Variants in NT5DC1 observed in about 807,000 individuals in gnomAD.
The protein encoded by NT5DC1 is 5'-nucleotidase domain-containing protein 1.
In NT5DC1, 42 loss-of-function variants were observed where a neutral mutation model predicts 59.4. The ratio of observed to expected loss-of-function variants is 0.71; its 90% CI spans 0.55 to 0.92. NT5DC1 has a LOEUF of 0.92. NT5DC1 is among the 40% of genes least tolerant of loss of function. The pLI, the probability that NT5DC1 is intolerant of heterozygous loss-of-function variation, is 0.00. For synonymous variants in NT5DC1, 172 were observed against 188.1 expected (o/e 0.91, Z 0.70); for missense variants, 501 against 537.1 (o/e 0.93, Z 0.66).
At chr6:116,163,359 A>G (rs962000750) in intron 6 of NT5DC1, among the ~76,000 whole-genome samples, 1 of 151,310 alleles carries the variant, frequency 6.6e-6, no homozygotes. Flanking sequence ...GGGAGGTTGT[A>G]TGTTTCTGGA....
At chr6:116,238,823 T>G in intron 10 of NT5DC1, 132 bp from the exon 11 acceptor site, 1 of 591,248 alleles carries the variant, frequency 1.7e-6, no homozygotes, top group Non-Finnish European at 3.0e-6. Flanking sequence ...TTCCAAAAAT[T>G]TAATGTGGGC....
chr6:116,233,960 T>C (rs527802505), intron 8 of NT5DC1, among the ~76,000 whole-genome samples: 1 of 150,510 alleles, frequency 6.6e-6, no homozygotes, highest in Non-Finnish European at 1.5e-5. Context: ...ACGTTTATCT[T>C]TCTATATCTT....
At chr6:116,126,089 A>G (rs1415854145) in intron 6 of NT5DC1, 1 of 154,766 alleles carries the variant, frequency 6.5e-6, no homozygotes, top group African/African-American at 2.4e-5. Flanking sequence ...GTGCCTTGGC[A>G]GCTTTCTGAA....
chr6:116,227,809 T>C (rs1487169120), intron 8 of NT5DC1, among the ~76,000 whole-genome samples: 2 of 152,212 alleles, frequency 1.3e-5, no homozygotes, highest in Non-Finnish European at 2.9e-5. Flanking sequence ...TTAATTGGGT[T>C]ATTTGTTTCC....
chr6:116,165,646 A>G (rs1038507537), intron 6 of NT5DC1, among the ~76,000 whole-genome samples: 2 of 152,192 alleles, frequency 1.3e-5, no homozygotes, highest in African/African-American at 4.8e-5. Context: ...ATCTGTTACC[A>G]ACCACCAGTA....
chr6:116,190,959 G>T (rs1204575194), intron 6 of NT5DC1, among the ~76,000 whole-genome samples: 1 of 151,958 alleles, frequency 6.6e-6, no homozygotes, highest in East Asian at 1.9e-4. Context: ...AACTGGAAAA[G>T]ACTTGAGAAA....
intron 4 of NT5DC1, among the ~76,000 whole-genome samples, chr6:116,112,033 T>C (rs1167588758): frequency 6.6e-6 from 1 of 152,224 alleles, no homozygotes; most frequent in East Asian, 1.9e-4. Context: ...CAGAGTATTT[T>C]AAAGAATAAA....
At chr6:116,164,600 T>C (rs1323505306) in intron 6 of NT5DC1, among the ~76,000 whole-genome samples, 1 of 152,244 alleles carries the variant, frequency 6.6e-6, no homozygotes, top group Non-Finnish European at 1.5e-5. Flanking sequence ...TGTGAGGTTT[T>C]GTTCCTTGCC....
chr6:116,230,975 C>T lies in NT5DC1; in HGVS notation c.803-5991C>T, dbSNP rs150234435. ...ACAAAAAATTAGCTGGGCGTGGTGG[C>T]AGGTGCCTGTAATTCCAGCTACTCA... On this transcript the variant is annotated intron_variant, in intron 8 of 11. Coordinates refer to ENST00000319550, the MANE Select transcript of NT5DC1 (RefSeq NM_152729.3). Among the ~76,000 whole-genome samples the T allele has an allele frequency of 5.0e-4, 76 of 152,070 alleles. 1 individual carries two copies. In the East Asian group the frequency reaches 0.012, roughly 23 times the overall value.
intron 6 of NT5DC1, among the ~76,000 whole-genome samples, chr6:116,202,378 T>G (rs1290514464): frequency 6.6e-6 from 1 of 152,056 alleles, no homozygotes; most frequent in African/African-American, 2.4e-5. Context: ...GTTCTTAAAC[T>G]CATCACTAAA....
At chr6:116,106,422 C>G in intron 2 of NT5DC1, 87 bp downstream of exon 2, 1 of 669,760 alleles carries the variant, frequency 1.5e-6, no homozygotes, top group East Asian at 2.7e-5. Flanking sequence ...GCTTTCTCTT[C>G]TAAGAAGATG....
chr6:116,169,074 T>C (rs1015499071), intron 6 of NT5DC1, among the ~76,000 whole-genome samples: 2 of 152,218 alleles, frequency 1.3e-5, no homozygotes, highest in Non-Finnish European at 2.9e-5. Context: ...CTCTTGAAGA[T>C]TGCGACTTCT....
At chr6:116,211,413 A>T (rs1457734747) in intron 6 of NT5DC1, among the ~76,000 whole-genome samples, 1 of 152,100 alleles carries the variant, frequency 6.6e-6, no homozygotes, top group East Asian at 1.9e-4. Flanking sequence ...AATTTTCTCT[A>T]GCAAAAGTGT....
At chr6:116,147,971 C>T (rs1196605222) in intron 6 of NT5DC1, among the ~76,000 whole-genome samples, 4 of 148,536 alleles carry the variant, frequency 2.7e-5, no homozygotes, top group African/African-American at 7.5e-5. Context: ...GGCGACAGAG[C>T]GAGACTCTGT....
intron 6 of NT5DC1, among the ~76,000 whole-genome samples, chr6:116,181,757 G>C (rs1261338012): frequency 6.6e-6 from 1 of 151,764 alleles, no homozygotes; most frequent in Non-Finnish European, 1.5e-5. Context: ...AATAACTGAA[G>C]ACCTAAATAA....
chr6:116,138,398 T>A (rs1779675783), intron 6 of NT5DC1, among the ~76,000 whole-genome samples: 2 of 152,174 alleles, frequency 1.3e-5, no homozygotes, highest in Admixed American at 1.3e-4. Context: ...TTGTTAAGAT[T>A]TGTGTGAAAG....
intron 11 of NT5DC1, among the ~76,000 whole-genome samples, chr6:116,242,057 A>G (rs1362405306): frequency 1.3e-5 from 2 of 152,100 alleles, no homozygotes; most frequent in Non-Finnish European, 2.9e-5. Context: ...ACTCCAATTA[A>G]TAGCCAATTT....
At chr6:116,142,827 A>G (rs1191253870) in intron 6 of NT5DC1, among the ~76,000 whole-genome samples, 1 of 152,298 alleles carries the variant, frequency 6.6e-6, no homozygotes, top group East Asian at 1.9e-4. Flanking sequence ...CAGTTCTAAA[A>G]GTTATTTTCG....
At chr6:116,201,115 A>G (rs553780807) in intron 6 of NT5DC1, among the ~76,000 whole-genome samples, 1 of 152,144 alleles carries the variant, frequency 6.6e-6, no homozygotes, top group African/African-American at 2.4e-5. Flanking sequence ...CTGCACCTAG[A>G]TGTGTGCAGA....
Sources: gnomAD v4.1 joint callset for allele counts (sites outside exome capture counted in the v4.1 genomes callset) on GRCh38, gnomAD v4.1.1 for gene constraint, MANE v1.5 for transcripts, NCBI Gene and HGNC (gene_info 2026-07-23, HGNC 2026-07-21) for gene names.